The following COL9A1 variants were observed in gnomAD, a reference collection of about 807,000 sequenced individuals.
COL9A1 encodes the protein collagen alpha-1(IX) chain.
Under a neutral mutation model 142.6 loss-of-function variants are expected in COL9A1, and 104 were observed. That is an observed-to-expected ratio of 0.73 (90% CI 0.62 to 0.86). The LOEUF is 0.86. Ranked by LOEUF, COL9A1 falls within the 40% of genes least tolerant of loss-of-function variation. The pLI is 0.00. For synonymous variants in COL9A1, 466 were observed against 396.0 expected (o/e 1.18, Z -2.10); for missense variants, 1,210 against 1,176.6 (o/e 1.03, Z -0.42).
In COL9A1 at chr6:70,294,537, T is replaced by G. The variant is rs369041675; in HGVS notation, c.326A>C (p.Glu109Ala). 2 of 1,613,928 alleles carry G rather than the reference T, an allele frequency of 1.2e-6. No individual in the cohort carries two copies. Among genetic ancestry groups the G allele is most frequent in the Non-Finnish European group, 1.7e-6 (2 of 1,179,944 alleles). The change falls in exon 5 of 38, where the codon GAA becomes GCA. Residue 109 changes from glutamate to alanine, a missense_variant. Transcript: ENST00000357250. Reference sequence around the variant, plus strand: ...AAACGTCGTCAAGAAGGAGTATTCTTCAGGCAGTCCACTGGGATATAAATT... The same window carrying G: ...AAACGTCGTCAAGAAGGAGTATTCTGCAGGCAGTCCACTGGGATATAAATT... Reference protein sequence around the residue: ...TRNLYPSGLPEEYSFLTTFRM... With the variant: ...TRNLYPSGLPAEYSFLTTFRM...
At chr6:70,283,639 G>A in intron 6 of COL9A1, 98 bp downstream of exon 6, 1 of 845,254 alleles carries the variant, frequency 1.2e-6, no homozygotes, top group Middle Eastern at 2.2e-4. Context: ...AGAGAGTGGG[G>A]AGGAGGGGTG....
intron 37 of COL9A1, chr6:70,222,865 C>T (rs556523947): frequency 6.6e-6 from 1 of 151,970 alleles, no homozygotes; most frequent in East Asian, 1.9e-4. Context: ...TTTATCTAGA[C>T]GGTTCCAGAC....
chr6:70,284,234 A>G (rs937563954), intron 5 of COL9A1, among the ~76,000 whole-genome samples: 9 of 152,152 alleles, frequency 5.9e-5, no homozygotes, highest in African/African-American at 2.2e-4. Flanking sequence ...ATTGAACTCT[A>G]CAGGGAATAT....
At chr6:70,239,044 C>CA (rs1199794991) in intron 33 of COL9A1, among the ~76,000 whole-genome samples, 1 of 151,974 alleles carries the variant, frequency 6.6e-6, no homozygotes, top group Non-Finnish European at 1.5e-5. Flanking sequence ...GAGGCTAAGG[C>CA]AGGAGAATTG....
At chr6:70,266,098 A>G (rs1771993018) in intron 18 of COL9A1, among the ~76,000 whole-genome samples, 1 of 152,174 alleles carries the variant, frequency 6.6e-6, no homozygotes, top group Admixed American at 6.5e-5. Flanking sequence ...GAGGGCAAAT[A>G]TGTTACCTTG....
chr6:70,233,231 C>T (rs1430815554), intron 35 of COL9A1, among the ~76,000 whole-genome samples: 3 of 152,172 alleles, frequency 2.0e-5, no homozygotes, highest in Admixed American at 2.0e-4. Context: ...ATTCAGACAC[C>T]ATTTGAGACC....
chr6:70,254,819 A>C, intron 24 of COL9A1, 144 bp downstream of exon 24: 1 of 807,198 alleles, frequency 1.2e-6, no homozygotes, highest in Non-Finnish European at 2.1e-6. Flanking sequence ...TTCATATTTG[A>C]CACTTGATTC....
rs6936355 is a variant in COL9A1, at chr6:70,269,897, A to G, written c.1198-232T>C. ...AGACATTGAAGGGAAACGAAATAAG[A>G]GGCAAAATAGAAAATGTGGGGAACT... On this transcript the variant is annotated intron_variant, in intron 15 of 37. Transcript: ENST00000357250. Among the ~76,000 whole-genome samples the G allele has an allele frequency of 0.042, 6,406 of 152,268 alleles. 264 individuals carry two copies. Among genetic ancestry groups the G allele is most frequent in the East Asian group, 0.14 (737 of 5,172 alleles).
intron 4 of COL9A1, among the ~76,000 whole-genome samples, chr6:70,297,298 T>G (rs1773882280): frequency 6.6e-6 from 1 of 152,162 alleles, no homozygotes; most frequent in Non-Finnish European, 1.5e-5. Flanking sequence ...TAATGGTAGC[T>G]GTCTCTTTCT....
At position 70,280,996 on chromosome 6, in the gene COL9A1, C is replaced by T; in HGVS notation, c.912+8G>A. ...GAAGTGGAGCGCCATATGCTCCAAT[C>T]AACTTACCGGGGGGCCCGGGGGGCC... On this transcript the variant is annotated splice_region_variant and intron_variant, in intron 9 of 37. Coordinates refer to ENST00000357250, the MANE Select transcript of COL9A1 (RefSeq NM_001851.6). The T allele has an allele frequency of 6.2e-7, 1 of 1,613,666 alleles. No homozygotes were observed. Among genetic ancestry groups the T allele is most frequent in the Non-Finnish European group, 8.5e-7 (1 of 1,179,820 alleles).
intron 33 of COL9A1, among the ~76,000 whole-genome samples, chr6:70,235,401 G>A (rs553505009): frequency 2.3e-4 from 35 of 152,108 alleles, no homozygotes; most frequent in African/African-American, 6.3e-4. Flanking sequence ...TGCAGTAAGC[G>A]GAGATCGTGC....
chr6:70,264,337 C>T (rs1304301239), intron 18 of COL9A1, among the ~76,000 whole-genome samples: 1 of 151,918 alleles, frequency 6.6e-6, no homozygotes, highest in Non-Finnish European at 1.5e-5. Flanking sequence ...AGAGTTAAAA[C>T]CTTGACAATA....
At chr6:70,247,995 T>A (rs1770707070) in intron 28 of COL9A1, among the ~76,000 whole-genome samples, 1 of 152,182 alleles carries the variant, frequency 6.6e-6, no homozygotes, top group Non-Finnish European at 1.5e-5. Flanking sequence ...GTAGACAGGC[T>A]TCTGTACACA....
At chr6:70,268,117 G>C (rs967630514) in intron 17 of COL9A1, among the ~76,000 whole-genome samples, 19 of 152,072 alleles carry the variant, frequency 1.2e-4, no homozygotes, top group African/African-American at 4.6e-4. Flanking sequence ...TGACTATTTT[G>C]CACAGTTTTT....
chr6:70,268,664 T>C, intron 17 of COL9A1, 140 bp downstream of exon 17: 1 of 738,908 alleles, frequency 1.4e-6, no homozygotes, highest in Non-Finnish European at 2.4e-6. Context: ...CAAGGGCAAC[T>C]GGAATTGCTA....
intron 37 of COL9A1, among the ~76,000 whole-genome samples, chr6:70,223,818 G>A (rs1383389342): frequency 6.6e-6 from 1 of 152,122 alleles, no homozygotes; most frequent in East Asian, 1.9e-4. Flanking sequence ...TCAATTAAAA[G>A]GTAACAAAAG....
chr6:70,226,136 T>C (rs1769212289), intron 36 of COL9A1, 127 bp from the exon 37 acceptor site: 10 of 788,766 alleles, frequency 1.3e-5, no homozygotes, highest in Non-Finnish European at 2.1e-5. Flanking sequence ...AACTAGATTG[T>C]AGTGAGTATG....
chr6:70,283,704 G>A lies in COL9A1; in HGVS notation c.780+33C>T, dbSNP rs1196187332. 3.2e-6 allele frequency: 5 copies of A among 1,541,074 alleles called. No homozygotes were observed. The South Asian group carries it at 5.8e-5, about 18-fold the overall frequency. ...GAGGTGGAGAGGGTTGAGCTGGGTA[G>A]AAGTGGCCTTTGCAGGTAGTCAGGG... is the stretch of plus-strand genomic sequence containing the variant. On this transcript the variant is annotated intron_variant, in intron 6 of 37. Coordinates refer to ENST00000357250, the MANE Select transcript of COL9A1 (RefSeq NM_001851.6).
At chr6:70,255,892 T>C (rs992404826) in intron 21 of COL9A1, among the ~76,000 whole-genome samples, 1 of 152,258 alleles carries the variant, frequency 6.6e-6, no homozygotes, top group Non-Finnish European at 1.5e-5. Flanking sequence ...AATATAGCTT[T>C]TGTTGAGTTG....
Sources: gnomAD v4.1 joint callset for allele counts (sites outside exome capture counted in the v4.1 genomes callset) on GRCh38, gnomAD v4.1.1 for gene constraint, MANE v1.5 for transcripts, NCBI Gene and HGNC (gene_info 2026-07-23, HGNC 2026-07-21) for gene names.